The following NETO1 variants were observed in gnomAD, a reference collection of about 807,000 sequenced individuals.
NETO1 encodes the protein neuropilin and tolloid like 1.
In NETO1, 26 loss-of-function variants were observed where a neutral mutation model predicts 61.3. That is an observed-to-expected ratio of 0.42 (90% CI 0.31 to 0.59). NETO1 has a LOEUF of 0.59. NETO1 is among the 20% of genes least tolerant of loss of function. NETO1 has a pLI of 0.12. For missense variants in NETO1, 531 were observed against 662.8 expected (o/e 0.80, Z 2.18); for synonymous variants, 225 against 225.8 (o/e 1.00, Z 0.03).
intron 7 of NETO1, among the ~76,000 whole-genome samples, chr18:72,781,001 A>AT (rs2071715886): frequency 6.6e-6 from 1 of 152,160 alleles, no homozygotes; most frequent in Non-Finnish European, 1.5e-5. Context: ...GTTTAAGATT[A>AT]TTTTTATCAG....
chr18:72,749,075 C>T lies in NETO1; in HGVS notation c.1555G>A (p.Gly519Arg), dbSNP rs957196530. The change falls in exon 10 of 11, where the codon GGG (glycine) becomes AGG (arginine). Residue 519 changes from glycine (G) to arginine (R), a missense_variant. Coordinates refer to ENST00000327305, the MANE Select transcript of NETO1 (RefSeq NM_138966.5). ...DKAVQRFCLI[G>R]SLSKHESEYN... ...TCAGATTCATGTTTGCTTAGAGACCCAATGAGGCAGAACCTGGAATGTTAT... is the reference window on the plus strand; with the variant it reads ...TCAGATTCATGTTTGCTTAGAGACCTAATGAGGCAGAACCTGGAATGTTAT... 2.1e-5 allele frequency: 34 copies of T among 1,605,002 alleles called. No homozygotes were observed. Among genetic ancestry groups the T allele is most frequent in the Non-Finnish European group, 2.7e-5 (32 of 1,172,184 alleles).
At chr18:72,848,381 C>A (rs1429280360) in intron 4 of NETO1, among the ~76,000 whole-genome samples, 1 of 152,080 alleles carries the variant, frequency 6.6e-6, no homozygotes, top group Non-Finnish European at 1.5e-5. Context: ...AGTCCCACAT[C>A]ACACCATCTA....
At chr18:72,754,231 A>T (rs1489034683) in intron 8 of NETO1, among the ~76,000 whole-genome samples, 1 of 152,134 alleles carries the variant, frequency 6.6e-6, no homozygotes, top group East Asian at 1.9e-4. Context: ...GGACTAGAAT[A>T]TACTAACTTA....
At chr18:72,857,208 C>T (rs1009401328) in intron 4 of NETO1, among the ~76,000 whole-genome samples, 2 of 152,238 alleles carry the variant, frequency 1.3e-5, no homozygotes, top group Admixed American at 1.3e-4. Context: ...CATCCTTAAC[C>T]TGTCCTACTT....
At chr18:72,816,592 A>G (rs921803070) in intron 4 of NETO1, among the ~76,000 whole-genome samples, 6 of 152,274 alleles carry the variant, frequency 3.9e-5, no homozygotes, top group African/African-American at 1.4e-4. Flanking sequence ...ATGGCAATGG[A>G]GAACCTCTCC....
At chr18:72,749,511 A>G (rs1568167367) in intron 9 of NETO1, among the ~76,000 whole-genome samples, 1 of 152,158 alleles carries the variant, frequency 6.6e-6, no homozygotes, top group Non-Finnish European at 1.5e-5. Context: ...TGAATATACT[A>G]TACTATCCTA....
At chr18:72,808,892 A>G (rs145727642) in intron 4 of NETO1, among the ~76,000 whole-genome samples, 8 of 152,358 alleles carry the variant, frequency 5.3e-5, no homozygotes, top group African/African-American at 1.9e-4. Context: ...TGGGACCAAG[A>G]GAGCAAATGC....
chr18:72,772,998 C>G lies in NETO1; in HGVS notation c.868+10680G>C, dbSNP rs561808652. 1.3e-3 allele frequency among the ~76,000 whole-genome samples: 190 copies of G among 151,292 alleles called. 1 individual carries two copies. Among genetic ancestry groups the G allele is most frequent in the Non-Finnish European group, 2.3e-3 (156 of 67,814 alleles). On this transcript the variant is annotated intron_variant, in intron 7 of 10. Transcript: ENST00000327305. ...ATTAGCCTACACCTATAACATTTAGCTCAGTAATTTACTTAGCTACATAGC... is the reference window on the plus strand; with the variant it reads ...ATTAGCCTACACCTATAACATTTAGGTCAGTAATTTACTTAGCTACATAGC...
At chr18:72,859,306 A>G (rs1393904768) in intron 3 of NETO1, among the ~76,000 whole-genome samples, 1 of 152,228 alleles carries the variant, frequency 6.6e-6, no homozygotes, top group Non-Finnish European at 1.5e-5. Flanking sequence ...ATTCTGATAC[A>G]AGATGACCAT....
At chr18:72,785,488 C>T (rs1368366068) in intron 6 of NETO1, among the ~76,000 whole-genome samples, 1 of 152,102 alleles carries the variant, frequency 6.6e-6, no homozygotes, top group Non-Finnish European at 1.5e-5. Flanking sequence ...CTAATAAAAA[C>T]TAGTTTACTC....
At chr18:72,858,183 G>A (rs1359600251) in intron 4 of NETO1, among the ~76,000 whole-genome samples, 1 of 152,120 alleles carries the variant, frequency 6.6e-6, no homozygotes, top group East Asian at 1.9e-4. Flanking sequence ...TAATCAAGTG[G>A]GCCAGGCAAC....
At chr18:72,829,386 C>T (rs1156954938) in intron 4 of NETO1, among the ~76,000 whole-genome samples, 4 of 152,004 alleles carry the variant, frequency 2.6e-5, no homozygotes, top group Non-Finnish European at 5.9e-5. Context: ...TAACTGTTTT[C>T]AGGATAAAGA....
In NETO1 at chr18:72,758,856, AAAAC is replaced by A. The variant is rs559430836; in HGVS notation, c.869-2713_869-2710del. ...GACCCTATCTCAAAACAAACAAACA[AAAAC>A]AAACAAACAAAAAAGTAGCAATGTA... On this transcript the variant is annotated intron_variant, in intron 7 of 10. Coordinates refer to ENST00000327305, the MANE Select transcript of NETO1 (RefSeq NM_138966.5). Among the ~76,000 whole-genome samples, 227 of 152,208 alleles carry A rather than the reference AAAAC, an allele frequency of 1.5e-3. 1 individual carries two copies. The highest frequency in any genetic ancestry group is 5.0e-3 in the African/African-American group (208 of 41,540).
chr18:72,750,401 G>T lies in NETO1; in HGVS notation c.1202C>A (p.Thr401Lys). 1 of 1,614,128 alleles carries T rather than the reference G, an allele frequency of 6.2e-7. No individual in the cohort carries two copies. The highest frequency in any genetic ancestry group is 1.3e-5 in the African/African-American group (1 of 75,022). Residue 401 changes from threonine (T) to lysine (K), a missense_variant, in exon 9 of 11, where the codon ACA (threonine) becomes AAA (lysine). Thr to Lys is a moderately conservative substitution (Grantham distance 78, BLOSUM62 -1). Coordinates refer to ENST00000327305, the MANE Select transcript of NETO1 (RefSeq NM_138966.5). Reference protein sequence around the residue: ...PHYELCTLRGTGATADFADVA... With the variant: ...PHYELCTLRGKGATADFADVA... Reference sequence around the variant, plus strand: ...ATCTGCAAAGTCAGCTGTAGCTCCTGTCCCTCTGAGAGTGCATAACTCATA... The same window carrying T: ...ATCTGCAAAGTCAGCTGTAGCTCCTTTCCCTCTGAGAGTGCATAACTCATA...
Position 72,774,680 on chromosome 18 carries a change from A to G in NETO1, c.868+8998T>C, listed in dbSNP as rs1453293933. 2.0e-5 allele frequency among the ~76,000 whole-genome samples: 3 copies of G among 152,116 alleles called. No homozygotes were observed. The East Asian group carries it at 5.8e-4, about 29-fold the overall frequency. ...GTGGCTTCTTCATCTATGAAACTAA[A>G]TTAATTACTGATTAATTAATTGTTT... On this transcript the variant is annotated intron_variant, in intron 7 of 10. Coordinates refer to ENST00000327305, the MANE Select transcript of NETO1 (RefSeq NM_138966.5).
intron 4 of NETO1, among the ~76,000 whole-genome samples, chr18:72,810,042 G>A (rs1268141306): frequency 6.6e-6 from 1 of 152,166 alleles, no homozygotes. Flanking sequence ...AAAACATTGT[G>A]TCTAATGTCA....
chr18:72,813,719 G>A (rs1006292431), intron 4 of NETO1, among the ~76,000 whole-genome samples: 2 of 152,044 alleles, frequency 1.3e-5, no homozygotes, highest in Non-Finnish European at 1.5e-5. Context: ...AAAGATACCC[G>A]AAGAAATTTC....
chr18:72,842,343 C>T (rs944845322), intron 4 of NETO1, among the ~76,000 whole-genome samples: 5 of 151,994 alleles, frequency 3.3e-5, no homozygotes, highest in East Asian at 1.9e-4. Context: ...TTACGAGTTT[C>T]GAATAAACTC....
intron 4 of NETO1, among the ~76,000 whole-genome samples, chr18:72,824,236 T>C (rs1001296379): frequency 6.6e-6 from 1 of 152,220 alleles, no homozygotes; most frequent in Non-Finnish European, 1.5e-5. Context: ...TGGGTACTTA[T>C]CGAATAATTA....
Sources: gnomAD v4.1 joint callset for allele counts (sites outside exome capture counted in the v4.1 genomes callset) on GRCh38, gnomAD v4.1.1 for gene constraint, MANE v1.5 for transcripts, NCBI Gene and HGNC (gene_info 2026-07-23, HGNC 2026-07-21) for gene names.